NKAIN3: variants seen among roughly 807,000 people sequenced by gnomAD.
NKAIN3 encodes the protein sodium/potassium-transporting ATPase subunit beta-1-interacting protein 3.
In NKAIN3, 25 loss-of-function variants were observed where a neutral mutation model predicts 30.2. That is an observed-to-expected ratio of 0.83 (90% confidence interval 0.60 to 1.16). The LOEUF is 1.16. Ranked by LOEUF, NKAIN3 falls within the 50% of genes most tolerant of loss-of-function variation. The pLI is 0.00. For missense variants in NKAIN3, 225 were observed against 254.1 expected (o/e 0.89, Z 0.78); for synonymous variants, 91 against 89.6 (o/e 1.02, Z -0.09).
intron 4 of NKAIN3, among the ~76,000 whole-genome samples, chr8:62,903,718 T>A (rs1821681381): frequency 6.6e-6 from 1 of 152,092 alleles, no homozygotes; most frequent in Non-Finnish European, 1.5e-5. Context: ...ACTGGGTAAT[T>A]TATAAAGGAA....
chr8:62,946,078 C>T (rs185145185), intron 5 of NKAIN3, among the ~76,000 whole-genome samples: 46 of 152,294 alleles, frequency 3.0e-4, no homozygotes, highest in Non-Finnish European at 1.6e-4. Context: ...ATGTGCTTCT[C>T]TTCAATTTCA....
chr8:62,826,416 C>T (rs1819026618), intron 4 of NKAIN3, among the ~76,000 whole-genome samples: 2 of 152,180 alleles, frequency 1.3e-5, no homozygotes, highest in Admixed American at 1.3e-4. Flanking sequence ...ATCATCATCT[C>T]TACTGACTTC....
intron 3 of NKAIN3, among the ~76,000 whole-genome samples, chr8:62,723,372 T>G (rs978936291): frequency 2.6e-5 from 4 of 152,176 alleles, no homozygotes; most frequent in Admixed American, 2.6e-4. Flanking sequence ...TACGCATGCA[T>G]GATTTATAAG....
intron 3 of NKAIN3, among the ~76,000 whole-genome samples, chr8:62,643,958 A>G (rs968110267): frequency 6.6e-6 from 1 of 151,890 alleles, no homozygotes; most frequent in East Asian, 1.9e-4. Flanking sequence ...CTCAGACTAC[A>G]TTTTCATGGA....
chr8:62,957,412 G>A (rs541388433), intron 6 of NKAIN3, among the ~76,000 whole-genome samples: 182 of 152,292 alleles, frequency 1.2e-3, no homozygotes, highest in African/African-American at 4.2e-3. Flanking sequence ...GGGATTACAG[G>A]CGTGAGCCAC....
chr8:62,563,621 C>T (rs73273451), intron 1 of NKAIN3, among the ~76,000 whole-genome samples: 2,200 of 152,120 alleles, frequency 0.014, 47 homozygotes, highest in African/African-American at 0.047. Flanking sequence ...CCTCATTTCC[C>T]AGAGTTAAGC....
At chr8:62,376,073 A>T (rs949269430) in intron 1 of NKAIN3, among the ~76,000 whole-genome samples, 1 of 152,194 alleles carries the variant, frequency 6.6e-6, no homozygotes, top group Non-Finnish European at 1.5e-5. Flanking sequence ...AATAAAATGT[A>T]AAATGTTGAA....
intron 1 of NKAIN3, among the ~76,000 whole-genome samples, chr8:62,514,788 G>A (rs1807929200): frequency 6.6e-6 from 1 of 152,108 alleles, no homozygotes. Flanking sequence ...GTGGAGCTAG[G>A]CGGCCTGTTC....
At chr8:62,896,801 G>A (rs1821440952) in intron 4 of NKAIN3, among the ~76,000 whole-genome samples, 1 of 152,118 alleles carries the variant, frequency 6.6e-6, no homozygotes, top group Non-Finnish European at 1.5e-5. Context: ...TGTGAATTTG[G>A]ATGGATAAAA....
At chr8:62,489,838 C>T (rs1403992239) in intron 1 of NKAIN3, among the ~76,000 whole-genome samples, 1 of 152,132 alleles carries the variant, frequency 6.6e-6, no homozygotes, top group African/African-American at 2.4e-5. Flanking sequence ...GGAGCAGTGA[C>T]CTTCACCAAG....
At chr8:62,812,862 A>G (rs1190557718) in intron 4 of NKAIN3, among the ~76,000 whole-genome samples, 1 of 151,926 alleles carries the variant, frequency 6.6e-6, no homozygotes, top group Non-Finnish European at 1.5e-5. Flanking sequence ...CTTTAAACAC[A>G]CACACTAATT....
At chr8:62,729,278 G>A (rs1454051394) in intron 3 of NKAIN3, among the ~76,000 whole-genome samples, 1 of 152,110 alleles carries the variant, frequency 6.6e-6, no homozygotes, top group South Asian at 2.1e-4. Context: ...TATGCTCCAC[G>A]TAACAGTTCA....
intron 1 of NKAIN3, among the ~76,000 whole-genome samples, chr8:62,548,830 A>G (rs1809101832): frequency 8.4e-6 from 1 of 118,650 alleles, no homozygotes; most frequent in Non-Finnish European, 1.8e-5. Flanking sequence ...GAACAAATAA[A>G]ATGAAACATT....
intron 3 of NKAIN3, among the ~76,000 whole-genome samples, chr8:62,689,945 A>G (rs1813912196): frequency 6.9e-6 from 1 of 145,462 alleles, no homozygotes; most frequent in Non-Finnish European, 1.5e-5. Flanking sequence ...CACCGCACTG[A>G]AAATAAATAA....
At chr8:62,686,006 A>G (rs1813791259) in intron 3 of NKAIN3, among the ~76,000 whole-genome samples, 1 of 152,164 alleles carries the variant, frequency 6.6e-6, no homozygotes, top group African/African-American at 2.4e-5. Flanking sequence ...AGCCATGGTC[A>G]GATGCCATTC....
chr8:62,633,044 C>G (rs1812016376), intron 3 of NKAIN3, among the ~76,000 whole-genome samples: 1 of 151,920 alleles, frequency 6.6e-6, no homozygotes, highest in Non-Finnish European at 1.5e-5. Context: ...GTGTAGAGGC[C>G]GTGAAGTATG....
chr8:62,348,290 T>C (rs1192072640), intron 1 of NKAIN3, among the ~76,000 whole-genome samples: 2 of 152,192 alleles, frequency 1.3e-5, no homozygotes, highest in East Asian at 1.9e-4. Flanking sequence ...TTGGTCTGTT[T>C]TGAAGGAATA....
At chr8:62,463,380 C>A (rs1806056857) in intron 1 of NKAIN3, among the ~76,000 whole-genome samples, 1 of 152,158 alleles carries the variant, frequency 6.6e-6, no homozygotes, top group African/African-American at 2.4e-5. Context: ...AGCAGACAAA[C>A]AAAATCCCTA....
chr8:62,782,871 G>T (rs1443529044), intron 4 of NKAIN3, among the ~76,000 whole-genome samples: 1 of 151,364 alleles, frequency 6.6e-6, no homozygotes, highest in Admixed American at 6.6e-5. Flanking sequence ...AAGTTCTAAT[G>T]TTTGTTAGCA....
Sources: allele counts gnomAD v4.1 joint callset (sites outside exome capture counted in the v4.1 genomes callset), GRCh38; gene constraint gnomAD v4.1.1; transcripts MANE v1.5; gene names NCBI Gene and HGNC (gene_info 2026-07-23, HGNC 2026-07-21).